Variants in ZNF496 observed in about 807,000 individuals in gnomAD.
ZNF496 encodes the protein NSD1 (nuclear receptor binding SET-domain containing 1)-interacting zinc finger protein 1.
Under a neutral mutation model 58.9 loss-of-function variants are expected in ZNF496, and 11 were observed. The ratio of observed to expected loss-of-function variants is 0.19; its 90% CI spans 0.12 to 0.31. The LOEUF is 0.31. ZNF496 is among the 10% of genes least tolerant of loss of function. The pLI is 1.00. For missense variants in ZNF496, 660 were observed against 783.0 expected (o/e 0.84, Z 1.88); for synonymous variants, 338 against 318.2 (o/e 1.06, Z -0.66).
chr1:247,316,771 C>T (rs939369446), intron 6 of ZNF496, among the ~76,000 whole-genome samples: 1 of 152,196 alleles, frequency 6.6e-6, no homozygotes, highest in African/African-American at 2.4e-5. Flanking sequence ...GTGCTCCAGT[C>T]ACCTCCAGAA....
rs1354795236 is a variant in ZNF496, at chr1:247,310,215, G to A, written c.784+109C>T. ...TTGGGGGTGAACAGAGAGATCTGAT[G>A]CAGGCCCCGCTTCCCTGATCCTATG... On this transcript the variant is annotated intron_variant, in intron 7 of 9. Coordinates refer to ENST00000682384, the MANE Select transcript of ZNF496 (RefSeq NM_032752.3). The A allele has an allele frequency of 2.6e-6, 4 of 1,536,552 alleles. No individual in the cohort carries two copies. The African/African-American group carries it at 5.5e-5, about 21-fold the overall frequency.
intron 4 of ZNF496, 116 bp from the exon 5 acceptor site, chr1:247,328,982 G>A (rs933197754): frequency 7.8e-6 from 11 of 1,403,250 alleles, no homozygotes; most frequent in South Asian, 5.5e-5. Flanking sequence ...GCCTTGGACT[G>A]GGCTGTAAAG....
intron 9 of ZNF496, among the ~76,000 whole-genome samples, chr1:247,301,843 T>G (rs917573533): frequency 2.0e-5 from 3 of 152,222 alleles, no homozygotes; most frequent in African/African-American, 7.2e-5. Flanking sequence ...TAAGGTGATC[T>G]GTGCCAGGAA....
In ZNF496 at chr1:247,305,200, G is replaced by A. The variant is rs1161740957; in HGVS notation, c.1006+3275C>T. ...CGAGGCAGGAAAATTGCTGGAACAC[G>A]GGAGGCAGAGGTTGCAGTAAGCCAA... On this transcript the variant is annotated intron_variant, in intron 9 of 9. Transcript: ENST00000682384. Among the ~76,000 whole-genome samples the A allele has an allele frequency of 5.9e-5, 9 of 152,072 alleles. 1 individual carries two copies. The South Asian group carries it at 1.0e-3, about 18-fold the overall frequency.
In ZNF496 at chr1:247,310,453, G is replaced by A. The variant is rs746300781; in HGVS notation, c.655C>T (p.Arg219Trp). ...ATCATGTCCTTGAATGGAGAAACCC[G>A]ACTCTGAAAGCACAGGAGAACAGGG... The part of the protein sequence containing the change: ...QVTTLQLPPS[R>W]VSPFKDMILC... The change falls in exon 7 of 10, where the codon CGG (arginine) becomes TGG (tryptophan). Residue 219 changes from arginine (R) to tryptophan (W), a missense_variant. Arg to Trp is a moderately radical substitution (Grantham distance 101). Transcript: ENST00000682384. 1.1e-5 allele frequency: 17 copies of A among 1,613,986 alleles called. No homozygotes were observed. The highest frequency in any genetic ancestry group is 3.3e-5 in the Admixed American group (2 of 59,996).
rs1274076680 is a variant in ZNF496, at chr1:247,299,545, C to T, written c.*974G>A. On this transcript the variant is annotated 3_prime_UTR_variant, in exon 10 of 10. Transcript: ENST00000682384. ...ACACCAGCACTCCAAGCTAATGTAT[C>T]TATCAAGTGTGTTGTCAGGCAAGGT... The T allele has an allele frequency of 6.6e-6, 1 of 152,262 alleles. No homozygotes were observed. The highest frequency in any genetic ancestry group is 1.5e-5 in the Non-Finnish European group (1 of 68,068). The allele number at this position is 152,262 out of a possible 1,614,324, so 9.4% of individuals were successfully genotyped here. A position where few individuals can be genotyped will look rare whatever the true frequency, so the allele number is the denominator to read the frequency against.
intron 6 of ZNF496, among the ~76,000 whole-genome samples, chr1:247,315,671 A>G (rs946761468): frequency 6.6e-6 from 1 of 152,150 alleles, no homozygotes; most frequent in Non-Finnish European, 1.5e-5. Context: ...AGAACGGGGA[A>G]AGTGAAGGAA....
intron 5 of ZNF496, 151 bp downstream of exon 5, chr1:247,328,532 C>A: frequency 1.3e-6 from 1 of 759,518 alleles, no homozygotes; most frequent in Non-Finnish European, 2.0e-6. Context: ...TAGGAAGGGA[C>A]TCAGACCCTG....
At position 247,329,531 on chromosome 1, in the gene ZNF496, C is replaced by T; in HGVS notation, c.48G>A (p.Glu16=). Residue 16 remains glutamate, a synonymous_variant, in exon 4 of 10, where the codon GAG becomes GAA. Coordinates refer to ENST00000682384, the MANE Select transcript of ZNF496 (RefSeq NM_032752.3). The surrounding 1 kb of genome is among the most constrained non-coding windows in gnomAD (Gnocchi z 5.5). ...CPRVLAPKES[E]EPRKMRSPPG... ...GTGGGCTCCTCATTTTCCTGGGCTC[C>T]TCACTTTCCTTCGGAGCCAAGACTC... 1.3e-6 allele frequency: 2 copies of T among 1,576,338 alleles called. No individual in the cohort carries two copies. Among genetic ancestry groups the T allele is most frequent in the Non-Finnish European group, 1.7e-6 (2 of 1,166,756 alleles).
At chr1:247,322,819 G>A (rs1374809489) in intron 6 of ZNF496, 1 of 1,299,766 alleles carries the variant, frequency 7.7e-7, no homozygotes, top group Non-Finnish European at 1.0e-6. Context: ...TAAAATAAAA[G>A]AGCAGAGAGA....
Position 247,328,847 on chromosome 1 carries a change from G to T in ZNF496, c.410C>A (p.Pro137His). Reference protein sequence around the residue: ...PWQWLKHCEDPVVIDDGDSPL... With the variant: ...PWQWLKHCEDHVVIDDGDSPL... ...GCTGTCCCCATCATCAATCACCACA[G>T]GGTCTTCACAGTGCTTGAGCTGCAA... The change falls in exon 5 of 10, where the codon CCT becomes CAT. Residue 137 changes from proline to histidine, a missense_variant. Physicochemically the swap from Pro to His is moderately conservative, Grantham distance 77 (BLOSUM62 -2). Coordinates refer to ENST00000682384, the MANE Select transcript of ZNF496 (RefSeq NM_032752.3). The T allele has an allele frequency of 6.2e-7, 1 of 1,603,176 alleles. No individual in the cohort carries two copies. The highest frequency in any genetic ancestry group is 8.5e-7 in the Non-Finnish European group (1 of 1,175,350).
intron 6 of ZNF496, among the ~76,000 whole-genome samples, chr1:247,314,169 C>T (rs991321299): frequency 2.6e-5 from 4 of 152,200 alleles, no homozygotes; most frequent in Admixed American, 1.3e-4. Flanking sequence ...AAGCAATCCT[C>T]CTGCTCAGCC....
intron 6 of ZNF496, chr1:247,322,630 A>G (rs10924984): frequency 0.97 from 1,003,437 of 1,035,374 alleles, 488,230 homozygotes; most frequent in East Asian, 1. Flanking sequence ...TCCTCAGAGC[A>G]CCCGAGTAAG....
intron 5 of ZNF496, among the ~76,000 whole-genome samples, chr1:247,324,062 A>G (rs1487528788): frequency 7.0e-6 from 1 of 142,258 alleles, no homozygotes; most frequent in African/African-American, 2.5e-5. Context: ...GTGACAGAAC[A>G]TGGCTCTGTC....
At chr1:247,319,641 G>C (rs1253293029) in intron 6 of ZNF496, among the ~76,000 whole-genome samples, 1 of 152,164 alleles carries the variant, frequency 6.6e-6, no homozygotes, top group Non-Finnish European at 1.5e-5. Context: ...ATACTATCTA[G>C]GCCGGGTGCA....
In ZNF496 at chr1:247,329,152, G is replaced by A. The variant is rs1305716234; in HGVS notation, c.390+37C>T. On this transcript the variant is annotated intron_variant, in intron 4 of 9. Coordinates refer to ENST00000682384, the MANE Select transcript of ZNF496 (RefSeq NM_032752.3). The surrounding 1 kb of genome is among the most constrained non-coding windows in gnomAD (Gnocchi z 5.5). ...GCCCAGCCAAAGTGTCTAAGTACCAGATCTCTACCCGTCCCAGCCCCACCT... is the reference window on the plus strand; with the variant it reads ...GCCCAGCCAAAGTGTCTAAGTACCAAATCTCTACCCGTCCCAGCCCCACCT... 1 of 1,612,884 alleles carries A rather than the reference G, an allele frequency of 6.2e-7. No homozygotes were observed. Among genetic ancestry groups the A allele is most frequent in the Middle Eastern group, 1.7e-4 (1 of 6,054 alleles).
At chr1:247,303,831 G>A (rs959495904) in intron 9 of ZNF496, among the ~76,000 whole-genome samples, 2 of 152,202 alleles carry the variant, frequency 1.3e-5, no homozygotes, top group Non-Finnish European at 2.9e-5. Flanking sequence ...AAGAAAGCGT[G>A]CACTGGAGAG....
chr1:247,329,711 C>T lies in ZNF496; in HGVS notation c.-37-96G>A, dbSNP rs1660255855. 5 of 1,218,388 alleles carry T rather than the reference C, an allele frequency of 4.1e-6. No individual in the cohort carries two copies. Among genetic ancestry groups the T allele is most frequent in the Non-Finnish European group, 5.6e-6 (5 of 886,878 alleles). 75.5% of individuals were successfully genotyped at this position (1,218,388 alleles called of 1,614,324 possible). A position where few individuals can be genotyped will look rare whatever the true frequency, so the allele number is the denominator to read the frequency against. On this transcript the variant is annotated intron_variant, in intron 3 of 9. Transcript: ENST00000682384. The surrounding 1 kb of genome is among the most constrained non-coding windows in gnomAD (Gnocchi z 5.5). The stretch of plus-strand genomic sequence containing the variant: ...AGGAAACTGTCAATGCCCTCAGAGA[C>T]CAGCCCTTTGGAGAAGCCCTGGGAA...
intron 6 of ZNF496, among the ~76,000 whole-genome samples, chr1:247,317,132 A>G (rs1204349506): frequency 6.6e-6 from 1 of 152,190 alleles, no homozygotes; most frequent in Admixed American, 6.5e-5. Context: ...AAGTAGAATG[A>G]AAACCCTGGA....
Sources: gnomAD v4.1 joint callset for allele counts (sites outside exome capture counted in the v4.1 genomes callset) on GRCh38, gnomAD v4.1.1 for gene constraint, Gnocchi (gnomAD v3.1) non-coding constraint, MANE v1.5 for transcripts, NCBI Gene and HGNC (gene_info 2026-07-23, HGNC 2026-07-21) for gene names.